ST3GAL1: variants seen among roughly 807,000 people sequenced by gnomAD.
ST3GAL1 encodes the protein ST3 beta-galactoside alpha-2,3-sialyltransferase 1.
ST3GAL1 carries 16 observed loss-of-function variants against 34.1 expected under a neutral mutation model. The ratio of observed to expected loss-of-function variants is 0.47; its 90% confidence interval spans 0.32 to 0.71. The LOEUF (loss-of-function observed/expected upper bound fraction) is 0.71. Ranked by LOEUF, ST3GAL1 falls within the 30% of genes least tolerant of loss-of-function variation. The pLI is 0.04. For synonymous variants in ST3GAL1, 191 were observed against 184.7 expected, an observed-to-expected ratio of 1.03 and a Z score of -0.28; for missense variants, 353 against 447.4, an observed-to-expected ratio of 0.79 and a Z score of 1.90.
chr8:133,466,127 T>G lies in ST3GAL1; in HGVS notation c.307-37A>C. On this transcript the variant is annotated intron_variant, in intron 5 of 9. Transcript: ENST00000522652. This position sits in a 1 kb window ranked among gnomAD's most constrained non-coding sequence, Gnocchi z 4.4. ...GGACAGAAGGTGGTCAACCTGGCTT[T>G]GTGGCTCCAGCCTCCTGGCAGCAGA... is the stretch of plus-strand genomic sequence containing the variant. The G allele has an allele frequency of 6.3e-7, 1 of 1,579,470 alleles. No homozygotes were observed. Among genetic ancestry groups the G allele is most frequent in the South Asian group, 1.1e-5 (1 of 87,114 alleles).
chr8:133,459,796 T>A lies in ST3GAL1; in HGVS notation c.991A>T (p.Ile331Phe). The change falls in exon 10 of 10, where the codon ATC becomes TTC. Residue 331 changes from isoleucine to phenylalanine, a missense_variant. Transcript: ENST00000522652. This position sits in a 1 kb window ranked among gnomAD's most constrained non-coding sequence, Gnocchi z 4.7. ...CCCTTGAAGATCCGGATTTTATTGA[T>A]GGAGGCCAAGGTGGCCGTCACGTTA... is the stretch of plus-strand genomic sequence containing the variant. ...ESNVTATLASINKIRIFKGR is the reference protein window; with the variant it reads ...ESNVTATLASFNKIRIFKGR 3 of 1,613,444 alleles carry A rather than the reference T, an allele frequency of 1.9e-6. No homozygotes were observed. Among genetic ancestry groups the A allele is most frequent in the Non-Finnish European group, 1.7e-6 (2 of 1,179,696 alleles).
intron 2 of ST3GAL1, among the ~76,000 whole-genome samples, chr8:133,535,524 A>ATTTTTTT (rs1818283644): frequency 7.8e-6 from 1 of 127,564 alleles, no homozygotes; most frequent in South Asian, 2.5e-4. Context: ...AGTATTTTTT[A>ATTTTTTT]ATTTTTTTTT....
intron 2 of ST3GAL1, among the ~76,000 whole-genome samples, chr8:133,543,226 T>C (rs1818584758): frequency 6.6e-6 from 1 of 152,234 alleles, no homozygotes; most frequent in South Asian, 2.1e-4. Flanking sequence ...ATTGAGTGCA[T>C]TCTATCAAAT....
rs964679888 is a variant in ST3GAL1, at chr8:133,571,335, A to C, written c.-582+358T>G. Among the ~76,000 whole-genome samples, 1 of 152,076 alleles carries C rather than the reference A, an allele frequency of 6.6e-6. No individual in the cohort carries two copies. Among genetic ancestry groups the C allele is most frequent in the Non-Finnish European group, 1.5e-5 (1 of 68,008 alleles). ...AATGTCACTGGGGCTGCTTTCGGGAACCGCTGCCCGGGACTTGGCGTAGGT... is the reference window on the plus strand; with the variant it reads ...AATGTCACTGGGGCTGCTTTCGGGACCCGCTGCCCGGGACTTGGCGTAGGT... On this transcript the variant is annotated intron_variant, in intron 1 of 9. Transcript: ENST00000522652. This position sits in a 1 kb window ranked among gnomAD's most constrained non-coding sequence, Gnocchi z 6.7.
chr8:133,536,092 C>T (rs1368120513), intron 2 of ST3GAL1, among the ~76,000 whole-genome samples: 1 of 152,048 alleles, frequency 6.6e-6, no homozygotes, highest in Non-Finnish European at 1.5e-5. Flanking sequence ...ATACTGTATC[C>T]AAGGTGGCAA....
chr8:133,483,667 CT>C (rs1482788618), intron 3 of ST3GAL1, among the ~76,000 whole-genome samples: 1 of 152,178 alleles, frequency 6.6e-6, no homozygotes, highest in African/African-American at 2.4e-5. Flanking sequence ...ACAGCTAAAT[CT>C]TCATGCTTTC....
chr8:133,568,616 G>A (rs1202047665), intron 1 of ST3GAL1, among the ~76,000 whole-genome samples: 1 of 152,152 alleles, frequency 6.6e-6, no homozygotes, highest in Non-Finnish European at 1.5e-5. Flanking sequence ...GGGGCCTAGA[G>A]TGAGGGTTAA....
At chr8:133,484,777 G>A (rs775879722) in intron 3 of ST3GAL1, among the ~76,000 whole-genome samples, 24 of 152,032 alleles carry the variant, frequency 1.6e-4, no homozygotes, top group Non-Finnish European at 2.4e-4. Flanking sequence ...AGCCCACCCC[G>A]CCCCAGGATT....
rs188529909 is a variant in ST3GAL1, at chr8:133,565,048, C to A, written c.-582+6645G>T. Among the ~76,000 whole-genome samples, 215 of 152,272 alleles carry A rather than the reference C, an allele frequency of 1.4e-3. 4 individuals are homozygous for A. Among genetic ancestry groups the A allele is most frequent in the Admixed American group, 0.014 (212 of 15,294 alleles). ...TGTGTGGCCTTAGGCAAGGGGGTTACCCTCCAGTTCCTGGGCATCTTACCT... is the reference window on the plus strand; with the variant it reads ...TGTGTGGCCTTAGGCAAGGGGGTTAACCTCCAGTTCCTGGGCATCTTACCT... On this transcript the variant is annotated intron_variant, in intron 1 of 9. Coordinates refer to ENST00000522652, the MANE Select transcript of ST3GAL1 (RefSeq NM_173344.3).
intron 2 of ST3GAL1, among the ~76,000 whole-genome samples, chr8:133,526,522 A>G (rs537416162): frequency 6.6e-6 from 1 of 152,328 alleles, no homozygotes; most frequent in African/African-American, 2.4e-5. Flanking sequence ...AAGGACATCT[A>G]TTGAGGGTCA....
rs1815739060 is a variant in ST3GAL1 at position 133,466,525 on chromosome 8, G to T, written c.307-435C>A. 6.6e-6 allele frequency among the ~76,000 whole-genome samples: 1 copy of T among 152,176 alleles called. No individual in the cohort carries two copies. The highest frequency in any genetic ancestry group is 6.5e-5 in the Admixed American group (1 of 15,284). ...AGAGAAAAATAGCAGAAGCCTTCTA[G>T]CTGTGTCTTACTCCCACCCTGCTCA... On this transcript the variant is annotated intron_variant, in intron 5 of 9. Transcript: ENST00000522652. The surrounding 1 kb of genome is among the most constrained non-coding windows in gnomAD (Gnocchi z 4.4).
intron 3 of ST3GAL1, among the ~76,000 whole-genome samples, chr8:133,485,847 G>C (rs533804119): frequency 2.2e-4 from 34 of 152,072 alleles, no homozygotes; most frequent in Non-Finnish European, 3.4e-4. Flanking sequence ...GTGGGGGGCT[G>C]TTTGCGGTGA....
Position 133,459,649 on chromosome 8 carries a change from C to CAAG in ST3GAL1, c.*114_*115insCTT. On this transcript the variant is annotated 3_prime_UTR_variant, in exon 10 of 10. Coordinates refer to ENST00000522652, the MANE Select transcript of ST3GAL1 (RefSeq NM_173344.3). The surrounding 1 kb of genome is among the most constrained non-coding windows in gnomAD (Gnocchi z 4.7). Reference sequence around the variant, plus strand: ...GGTGCAAGAGGCTGTGAGCGGTGCCCAGGCACACACCTGAGGCTGCCCCTC... The same window carrying CAAG: ...GGTGCAAGAGGCTGTGAGCGGTGCCCAAGAGGCACACACCTGAGGCTGCCCCTC... The CAAG allele has an allele frequency of 7.3e-7, 1 of 1,361,524 alleles. No individual in the cohort carries two copies. Among genetic ancestry groups the CAAG allele is most frequent in the Non-Finnish European group, 9.9e-7 (1 of 1,009,000 alleles). 84.3% of individuals were successfully genotyped at this position (1,361,524 alleles called of 1,614,324 possible). A position where few individuals can be genotyped will look rare whatever the true frequency, so the allele number is the denominator to read the frequency against.
At chr8:133,495,712 A>G (rs11784522) in intron 3 of ST3GAL1, among the ~76,000 whole-genome samples, 1 of 152,162 alleles carries the variant, frequency 6.6e-6, no homozygotes, top group Non-Finnish European at 1.5e-5. Context: ...GATGGTGGAT[A>G]CCCCAAGCTC....
chr8:133,514,098 T>C (rs879370497), intron 2 of ST3GAL1, among the ~76,000 whole-genome samples: 5 of 152,086 alleles, frequency 3.3e-5, no homozygotes, highest in African/African-American at 7.2e-5. Context: ...TTTTTTAAAA[T>C]AGTAGATAAA....
At chr8:133,548,339 C>T (rs1818727977) in intron 1 of ST3GAL1, among the ~76,000 whole-genome samples, 1 of 152,204 alleles carries the variant, frequency 6.6e-6, no homozygotes, top group African/African-American at 2.4e-5. Context: ...GTACTTTCTA[C>T]TCACCCTTCA....
At chr8:133,515,008 T>C (rs1402686502) in intron 2 of ST3GAL1, among the ~76,000 whole-genome samples, 1 of 152,178 alleles carries the variant, frequency 6.6e-6, no homozygotes, top group Non-Finnish European at 1.5e-5. Flanking sequence ...CTACTCATAT[T>C]TCACAGCCCA....
At chr8:133,529,427 T>C (rs141093175) in intron 2 of ST3GAL1, among the ~76,000 whole-genome samples, 2 of 152,246 alleles carry the variant, frequency 1.3e-5, no homozygotes, top group Non-Finnish European at 2.9e-5. Context: ...CTGTCCCTTA[T>C]GGTGGGATGG....
At position 133,456,198 on chromosome 8, in the gene ST3GAL1, C is replaced by A. The variant is rs1374744945; in HGVS notation, c.*3566G>T. The A allele has an allele frequency of 6.6e-6, 1 of 152,256 alleles. No individual in the cohort carries two copies. The highest frequency in any genetic ancestry group is 2.4e-5 in the African/African-American group (1 of 41,462). 9.4% of individuals were successfully genotyped at this position (152,256 alleles called of 1,614,324 possible). A position where few individuals can be genotyped will look rare whatever the true frequency, so the allele number is the denominator to read the frequency against. Reference sequence around the variant, plus strand: ...CTGCAGAGAACCAGAGGTTACAAATCTGCCCTCCTTTCTCCCCTAAAAGGT... The same window carrying A: ...CTGCAGAGAACCAGAGGTTACAAATATGCCCTCCTTTCTCCCCTAAAAGGT... On this transcript the variant is annotated 3_prime_UTR_variant, in exon 10 of 10. Transcript: ENST00000522652.
Sources: allele counts gnomAD v4.1 joint callset (sites outside exome capture counted in the v4.1 genomes callset), GRCh38; gene constraint gnomAD v4.1.1; non-coding constraint Gnocchi (gnomAD v3.1); transcripts MANE v1.5; gene names NCBI Gene and HGNC (gene_info 2026-07-23, HGNC 2026-07-21).